Variants in C4orf36 observed in about 807,000 individuals in gnomAD.
The protein encoded by C4orf36 is uncharacterized protein C4orf36.
C4orf36 carries 11 observed loss-of-function variants against 12.2 expected under a neutral mutation model. The ratio of observed to expected loss-of-function variants is 0.90; its 90% confidence interval spans 0.57 to 1.49. The LOEUF (loss-of-function observed/expected upper bound fraction) is 1.49, where lower values mean the gene tolerates loss of function less well. Among genes scored for constraint, C4orf36 ranks in the 40% most tolerant of loss-of-function variants. The pLI is 0.00. For synonymous variants in C4orf36, 54 were observed against 51.3 expected (o/e 1.05, Z -0.22); for missense variants, 137 against 133.9 (o/e 1.02, Z -0.11).
chr4:86,876,294 CG>C lies in C4orf36; in HGVS notation c.*151del. The C allele has an allele frequency of 8.7e-7, 1 of 1,153,256 alleles. No individual in the cohort carries two copies. Among genetic ancestry groups the C allele is most frequent in the Non-Finnish European group, 1.2e-6 (1 of 839,300 alleles). The allele number at this position is 1,153,256 out of a possible 1,614,324, so 71.4% of individuals were successfully genotyped here. A position where few individuals can be genotyped will look rare whatever the true frequency, so the allele number is the denominator to read the frequency against. ...TTAAGAGATTTTCTCGGTCTCTGGG[CG>C]GGCCGTGGGAGGCTTCCTGAGGTGG... On this transcript the variant is annotated 3_prime_UTR_variant, in exon 5 of 5. Coordinates refer to ENST00000295898, the MANE Select transcript of C4orf36 (RefSeq NM_144645.4).
intron 4 of C4orf36, among the ~76,000 whole-genome samples, chr4:86,882,705 T>C (rs1045077350): frequency 1.3e-5 from 2 of 152,338 alleles, no homozygotes; most frequent in East Asian, 1.9e-4. Context: ...ACTTTTGATA[T>C]AGAGCCAAAC....
the C4orf36 span, among the ~76,000 whole-genome samples, chr4:86,911,464 A>G: frequency 1.3e-5 from 2 of 152,194 alleles, no homozygotes; most frequent in African/African-American, 4.8e-5. Flanking sequence ...TCTTAATTTC[A>G]TGGCTGGTAT....
the C4orf36 span, among the ~76,000 whole-genome samples, chr4:86,930,007 TG>T: frequency 6.6e-6 from 1 of 152,204 alleles, no homozygotes; most frequent in Non-Finnish European, 1.5e-5. Flanking sequence ...GGTGATAGTC[TG>T]GAACTTAGAA....
the C4orf36 span, among the ~76,000 whole-genome samples, chr4:86,928,429 G>A: frequency 4.6e-5 from 7 of 152,174 alleles, no homozygotes; most frequent in Non-Finnish European, 8.8e-5. Context: ...TCTCCTCCCA[G>A]TGCCTTCCAT....
At chr4:86,904,517 G>C in the C4orf36 span, among the ~76,000 whole-genome samples, 17 of 150,554 alleles carry the variant, frequency 1.1e-4, no homozygotes, top group African/African-American at 3.9e-4. Flanking sequence ...CGGAGGGGGA[G>C]GTTGCAGTGA....
At chr4:86,933,598 TAA>T in the C4orf36 span, 9 of 152,330 alleles carry the variant, frequency 5.9e-5, no homozygotes, top group East Asian at 1.5e-3. Context: ...ATAGAAGTGG[TAA>T]AAGTTTTCAG....
chr4:86,914,387 CTTCCT>C, the C4orf36 span: 4 of 467,416 alleles, frequency 8.6e-6, no homozygotes, highest in South Asian at 4.1e-5. Context: ...CGTTCTTCTT[CTTCCT>C]TTTTTTTTTT....
the C4orf36 span, among the ~76,000 whole-genome samples, chr4:86,898,614 A>C: frequency 6.6e-6 from 1 of 152,136 alleles, no homozygotes; most frequent in African/African-American, 2.4e-5. Flanking sequence ...CTGAGATAAG[A>C]TCTCTAATTA....
chr4:86,907,771 G>A, the C4orf36 span, among the ~76,000 whole-genome samples: 1 of 151,904 alleles, frequency 6.6e-6, no homozygotes, highest in Non-Finnish European at 1.5e-5. Flanking sequence ...GAGGCCAGGA[G>A]TTCGAGACCA....
the C4orf36 span, among the ~76,000 whole-genome samples, chr4:86,903,284 G>A: frequency 6.6e-6 from 1 of 152,126 alleles, no homozygotes; most frequent in Non-Finnish European, 1.5e-5. Context: ...GGCCGAGGCC[G>A]GTGGATCACG....
chr4:86,890,354 C>A (rs115984361), intron 2 of C4orf36, among the ~76,000 whole-genome samples: 2,060 of 151,990 alleles, frequency 0.014, 50 homozygotes, highest in African/African-American at 0.048. Context: ...TTAGGCTATA[C>A]AAGATATATT....
At chr4:86,892,117 G>A (rs1233502525) in intron 1 of C4orf36, 66 bp downstream of exon 1, 3 of 985,398 alleles carry the variant, frequency 3.0e-6, no homozygotes, top group Non-Finnish European at 3.6e-6. Flanking sequence ...GGGACGGGTG[G>A]GGGCCTCGGC....
In C4orf36 at chr4:86,891,605, G is replaced by GC; in HGVS notation, c.-73-13dup. The GC allele has an allele frequency of 6.3e-7, 1 of 1,598,578 alleles. No homozygotes were observed. The highest frequency in any genetic ancestry group is 8.5e-7 in the Non-Finnish European group (1 of 1,171,790). On this transcript the variant is annotated splice_polypyrimidine_tract_variant and intron_variant, in intron 1 of 4. Transcript: ENST00000295898. ...TCTGTTCACTTTACCTGAAATGATG[G>GC]CAACGCACCTAATTAATGCCTCTCA... is the stretch of plus-strand genomic sequence containing the variant.
the C4orf36 span, among the ~76,000 whole-genome samples, chr4:86,920,995 G>A: frequency 7.8e-4 from 118 of 151,654 alleles, no homozygotes; most frequent in Middle Eastern, 3.4e-3. Flanking sequence ...GAGATACCCC[G>A]TCTCTACTAA....
the C4orf36 span, chr4:86,935,533 A>C: frequency 6.6e-6 from 1 of 152,248 alleles, no homozygotes; most frequent in Admixed American, 6.5e-5. Flanking sequence ...GCAGCCCCCA[A>C]GTCAGACGTT....
chr4:86,893,324 C>T (rs1747499677), upstream of C4orf36, among the ~76,000 whole-genome samples: 1 of 152,154 alleles, frequency 6.6e-6, no homozygotes, highest in South Asian at 2.1e-4. Context: ...TGTCTCACGC[C>T]TGTAATCCCA....
chr4:86,905,621 C>T, the C4orf36 span, among the ~76,000 whole-genome samples: 1 of 151,708 alleles, frequency 6.6e-6, no homozygotes, highest in African/African-American at 2.4e-5. Flanking sequence ...GTTGGGAAGA[C>T]AAGTGGTGAT....
the C4orf36 span, among the ~76,000 whole-genome samples, chr4:86,910,995 A>G: frequency 1.2e-3 from 176 of 152,012 alleles, 5 homozygotes; most frequent in Non-Finnish European, 5.9e-4. Flanking sequence ...AGGCAGGAGG[A>G]TTGCTTGAAC....
the C4orf36 span, among the ~76,000 whole-genome samples, chr4:86,900,866 A>G: frequency 6.6e-6 from 1 of 152,176 alleles, no homozygotes; most frequent in Non-Finnish European, 1.5e-5. Flanking sequence ...ATCTGATGCT[A>G]GATATCCTAG....
Sources: allele counts gnomAD v4.1 joint callset (sites outside exome capture counted in the v4.1 genomes callset), GRCh38; gene constraint gnomAD v4.1.1; transcripts MANE v1.5; gene names NCBI Gene and HGNC (gene_info 2026-07-23, HGNC 2026-07-21).